The following ZBTB49 variants were observed in gnomAD, a reference collection of about 807,000 sequenced individuals.
The protein encoded by ZBTB49 is zinc finger and BTB domain-containing protein 49.
In ZBTB49, 43 loss-of-function variants were observed where a neutral mutation model predicts 57.5. That is an observed-to-expected ratio of 0.75 (90% CI 0.59 to 0.97). The LOEUF is 0.97. Among genes scored for constraint, ZBTB49 ranks in the 50% least tolerant of loss-of-function variants. ZBTB49 has a pLI of 0.00. For missense variants in ZBTB49, 938 were observed against 947.7 expected, an observed-to-expected ratio of 0.99 and a Z score of 0.13; for synonymous variants, 369 against 362.1, an observed-to-expected ratio of 1.02 and a Z score of -0.22.
intron 2 of ZBTB49, among the ~76,000 whole-genome samples, chr4:4,301,388 A>AACCTAAC (rs1338616483): frequency 6.6e-6 from 1 of 152,008 alleles, no homozygotes; most frequent in Non-Finnish European, 1.5e-5. Flanking sequence ...CTGGCTGAAA[A>AACCTAAC]ACCTAACAGC....
intron 4 of ZBTB49, among the ~76,000 whole-genome samples, chr4:4,311,061 T>A (rs984224776): frequency 1.8e-4 from 27 of 152,322 alleles, no homozygotes; most frequent in African/African-American, 6.5e-4. Context: ...ATATTATTTA[T>A]CAGAAATATG....
intron 5 of ZBTB49, among the ~76,000 whole-genome samples, chr4:4,313,323 A>T (rs1288240491): frequency 6.6e-6 from 1 of 152,248 alleles, no homozygotes; most frequent in Non-Finnish European, 1.5e-5. Flanking sequence ...AAAGAAAGAA[A>T]AGCTGGGACA....
At chr4:4,312,945 C>T in intron 4 of ZBTB49, 96 bp from the exon 5 acceptor site, 1 of 1,317,022 alleles carries the variant, frequency 7.6e-7, no homozygotes, top group Non-Finnish European at 1.1e-6. Flanking sequence ...TGAATTGGAA[C>T]CTGGCTAAAT....
Position 4,321,233 on chromosome 4 carries a change from T to G in ZBTB49, c.2215T>G (p.Ser739Ala). The part of the protein sequence containing the change: ...SRASSTTYRN[S>A]EGQFFSSMTL... ...AGCATCTTCCACCACTTATAGGAAC[T>G]CAGAGGGTCAGTTTTTCTCCAGCAT... The change falls in exon 8 of 8, where the codon TCA (serine) becomes GCA (alanine). Residue 739 changes from serine (S) to alanine (A), a missense_variant. Around this residue, in one of 3 missense-constraint regions of ZBTB49, gnomAD observed 835 missense variants for 819.1 expected, o/e 1.02. Transcript: ENST00000337872. 1 of 1,614,150 alleles carries G rather than the reference T, an allele frequency of 6.2e-7. No individual in the cohort carries two copies. Among genetic ancestry groups the G allele is most frequent in the Non-Finnish European group, 8.5e-7 (1 of 1,180,028 alleles).
At position 4,303,158 on chromosome 4, in the gene ZBTB49, C is replaced by CT. The variant is rs573264584; in HGVS notation, c.1255+69dup. 3,955 of 1,443,888 alleles carry CT rather than the reference C, an allele frequency of 2.7e-3. 7 individuals carry two copies. Among genetic ancestry groups the CT allele is most frequent in the Middle Eastern group, 6.3e-3 (32 of 5,092 alleles). 89.4% of individuals were successfully genotyped at this position (1,443,888 alleles called of 1,614,324 possible). On this transcript the variant is annotated intron_variant, in intron 3 of 7. Coordinates refer to ENST00000337872, the MANE Select transcript of ZBTB49 (RefSeq NM_145291.4). The stretch of plus-strand genomic sequence containing the variant: ...TGCGGATGCTCAGACACCACTGGCT[C>CT]TTCTTGTTTTTGTAAGAAGTTTTGC...
At chr4:4,292,893 G>C (rs1720011692) in intron 1 of ZBTB49, among the ~76,000 whole-genome samples, 1 of 152,120 alleles carries the variant, frequency 6.6e-6, no homozygotes, top group Non-Finnish European at 1.5e-5. Context: ...TCTGGCTGTT[G>C]TTTTCTTTAG....
intron 1 of ZBTB49, among the ~76,000 whole-genome samples, chr4:4,291,061 G>A (rs1430178417): frequency 6.6e-6 from 1 of 152,220 alleles, no homozygotes; most frequent in Admixed American, 6.5e-5. Context: ...AGTATTGTGA[G>A]AAACCTTCAC....
At chr4:4,292,026 A>T (rs1719962598) in intron 1 of ZBTB49, among the ~76,000 whole-genome samples, 1 of 151,732 alleles carries the variant, frequency 6.6e-6, no homozygotes, top group Non-Finnish European at 1.5e-5. Context: ...TAATCCCAGC[A>T]CTTTGGGAGG....
At chr4:4,316,314 C>T (rs1224878926) in intron 7 of ZBTB49, among the ~76,000 whole-genome samples, 1 of 152,152 alleles carries the variant, frequency 6.6e-6, no homozygotes, top group African/African-American at 2.4e-5. Flanking sequence ...GCGGTCCCGC[C>T]AGAGCATTAG....
intron 3 of ZBTB49, among the ~76,000 whole-genome samples, chr4:4,305,812 G>A (rs1229088500): frequency 1.3e-5 from 2 of 152,198 alleles, no homozygotes; most frequent in East Asian, 1.9e-4. Flanking sequence ...GAGCGGGATC[G>A]TGCTGTTCAG....
chr4:4,320,488 A>G (rs1721360879), intron 7 of ZBTB49, 152 bp from the exon 8 acceptor site: 3 of 850,698 alleles, frequency 3.5e-6, no homozygotes, highest in East Asian at 2.7e-5. Context: ...ATGTATATGT[A>G]TATTAGCCAG....
At chr4:4,307,141 G>A (rs908410164) in intron 4 of ZBTB49, among the ~76,000 whole-genome samples, 12 of 152,196 alleles carry the variant, frequency 7.9e-5, no homozygotes, top group African/African-American at 2.9e-4. Context: ...CCTGCCTGCT[G>A]GGATTCACCA....
intron 7 of ZBTB49, among the ~76,000 whole-genome samples, 179 bp downstream of exon 7, chr4:4,316,149 C>G (rs911503359): frequency 1.3e-5 from 2 of 152,158 alleles, no homozygotes; most frequent in African/African-American, 4.8e-5. Context: ...TGCTGCTTGT[C>G]TTTGAGGTAT....
intron 1 of ZBTB49, among the ~76,000 whole-genome samples, chr4:4,296,053 A>C (rs1417988984): frequency 6.6e-6 from 1 of 152,120 alleles, no homozygotes; most frequent in East Asian, 1.9e-4. Flanking sequence ...ATGGTGCTGC[A>C]CCTTAAGGAA....
In ZBTB49 at chr4:4,302,499, T is replaced by C; in HGVS notation, c.663T>C (p.Ser221=). ...ATTACAAACTCAGAAACTTTTACAG[T>C]AAGCAGTACCATAAACACGCAGCTG... ...NYYYKLRNFY[S]KQYHKHAAGP... is the part of the protein sequence containing the mutation. The change falls in exon 3 of 8, where the codon AGT becomes AGC. Residue 221 remains serine, a synonymous_variant. Coordinates refer to ENST00000337872, the MANE Select transcript of ZBTB49 (RefSeq NM_145291.4). 6.2e-7 allele frequency: 1 copy of C among 1,614,116 alleles called. No homozygotes were observed. Among genetic ancestry groups the C allele is most frequent in the Non-Finnish European group, 8.5e-7 (1 of 1,179,974 alleles).
At chr4:4,308,007 G>A (rs970973566) in intron 4 of ZBTB49, among the ~76,000 whole-genome samples, 4 of 152,138 alleles carry the variant, frequency 2.6e-5, no homozygotes, top group South Asian at 2.1e-4. Context: ...CTCCTGGCAC[G>A]GATCCTTGGT....
At chr4:4,306,086 T>G in intron 3 of ZBTB49, 52 bp from the exon 4 acceptor site, 1 of 1,554,738 alleles carries the variant, frequency 6.4e-7, no homozygotes, top group Non-Finnish European at 8.8e-7. Context: ...CAAAAAATTA[T>G]TGAACAAATA....
chr4:4,317,419 C>T (rs1721233863), intron 7 of ZBTB49, among the ~76,000 whole-genome samples: 1 of 152,278 alleles, frequency 6.6e-6, no homozygotes. Flanking sequence ...GTATAATTCT[C>T]AACACAATCT....
rs527286709 is a variant in ZBTB49, at chr4:4,312,379, A to G, written c.1303-662A>G. ...ATATTGATTTCCTGTTGATTAGTACATAGAAATCCATCTGATGATCTCCGT... is the reference window on the plus strand; with the variant it reads ...ATATTGATTTCCTGTTGATTAGTACGTAGAAATCCATCTGATGATCTCCGT... On this transcript the variant is annotated intron_variant, in intron 4 of 7. Coordinates refer to ENST00000337872, the MANE Select transcript of ZBTB49 (RefSeq NM_145291.4). Among the ~76,000 whole-genome samples, 4 of 152,338 alleles carry G rather than the reference A, an allele frequency of 2.6e-5. No homozygotes were observed. The East Asian group carries it at 7.7e-4, about 29-fold the overall frequency.
Sources: allele counts gnomAD v4.1 joint callset (sites outside exome capture counted in the v4.1 genomes callset), GRCh38; gene constraint gnomAD v4.1.1; regional missense constraint gnomAD v4.1.1; transcripts MANE v1.5; gene names NCBI Gene and HGNC (gene_info 2026-07-23, HGNC 2026-07-21).